COBL: variants seen among roughly 807,000 people sequenced by gnomAD.
The protein encoded by COBL is protein cordon-bleu.
COBL carries 51 observed loss-of-function variants against 98.8 expected under a neutral mutation model. The ratio of observed to expected loss-of-function variants is 0.52; its 90% confidence interval spans 0.41 to 0.65. The LOEUF is 0.65. COBL is among the 30% of genes least tolerant of loss of function. The pLI is 0.00. For synonymous variants in COBL, 634 were observed against 651.7 expected (o/e 0.97, Z 0.41); for missense variants, 1,617 against 1,617.5 (o/e 1.00, Z 0.01).
At chr7:51,194,887 G>A (rs1161967336) in intron 2 of COBL, among the ~76,000 whole-genome samples, 1 of 151,554 alleles carries the variant, frequency 6.6e-6, no homozygotes, top group Non-Finnish European at 1.5e-5. Context: ...TTGTAAATTT[G>A]TTTAAGTTCC....
At chr7:51,299,204 C>A (rs1801686883) in intron 1 of COBL, among the ~76,000 whole-genome samples, 2 of 152,154 alleles carry the variant, frequency 1.3e-5, no homozygotes, top group South Asian at 4.1e-4. Context: ...TCCTCCAGGG[C>A]TGGACATCCT....
Position 51,027,727 on chromosome 7 carries a change from C to T in COBL, c.3369G>A (p.Lys1123=), listed in dbSNP as rs150214171. 17 of 1,613,140 alleles carry T rather than the reference C, an allele frequency of 1.1e-5. No homozygotes were observed. The African/African-American group carries it at 2.1e-4, about 20-fold the overall frequency. The change falls in exon 10 of 13, where the codon AAG becomes AAA. Residue 1123 remains lysine, a synonymous_variant. Coordinates refer to ENST00000265136, the MANE Select transcript of COBL (RefSeq NM_015198.5). ...CCATCCTCACCTTGCGTAGTCTGTC[C>T]TTCCCTCCCGCAGAGTGGATGGCTT... ...LMEAIHSAGG[K]DRLRKTAEHT...
At chr7:51,144,477 G>A (rs769946842) in intron 5 of COBL, among the ~76,000 whole-genome samples, 2 of 152,140 alleles carry the variant, frequency 1.3e-5, no homozygotes, top group African/African-American at 2.4e-5. Flanking sequence ...AAGCATATCC[G>A]AAACCCCGGA....
Position 51,316,596 on chromosome 7 carries a change from G to C in COBL, c.38C>G (p.Thr13Ser). 8.3e-7 allele frequency: 1 copy of C among 1,207,310 alleles called. No individual in the cohort carries two copies. The allele number at this position is 1,207,310 out of a possible 1,614,324, so 74.8% of individuals were successfully genotyped here. Residue 13 changes from threonine (T) to serine (S), a missense_variant, in exon 1 of 13, where the codon ACC becomes AGC. Coordinates refer to ENST00000265136, the MANE Select transcript of COBL (RefSeq NM_015198.5). ...GCCCGACCGCGGGGCCGCTTACCCG[G>C]TCGGGGGCTTGGCCGCCGAGGCGCG... ...APRASAAKPP[T>S]GRKMKARAPP...
At chr7:51,204,829 GTGA>G (rs1791516090) in intron 2 of COBL, among the ~76,000 whole-genome samples, 3 of 152,196 alleles carry the variant, frequency 2.0e-5, no homozygotes, top group Non-Finnish European at 4.4e-5. Flanking sequence ...GATTACAGGT[GTGA>G]GCCACCACAC....
chr7:51,255,554 T>A (rs576062086), intron 1 of COBL, among the ~76,000 whole-genome samples: 3 of 152,072 alleles, frequency 2.0e-5, no homozygotes, highest in Non-Finnish European at 4.4e-5. Context: ...GCTCAGAAGT[T>A]TGGCCAGGCC....
At chr7:51,136,367 T>C (rs756724096) in intron 5 of COBL, 36 bp from the exon 6 acceptor site, 2 of 1,586,388 alleles carry the variant, frequency 1.3e-6, no homozygotes, top group Middle Eastern at 1.7e-4. Flanking sequence ...ACCAAATCAG[T>C]ATGAGATGAC....
At chr7:51,149,172 A>T (rs968345934) in intron 5 of COBL, among the ~76,000 whole-genome samples, 3 of 152,170 alleles carry the variant, frequency 2.0e-5, no homozygotes, top group Non-Finnish European at 2.9e-5. Flanking sequence ...TGTGAAGTGC[A>T]AGTGTCTGTC....
At chr7:51,312,697 G>A (rs117130016) in intron 1 of COBL, among the ~76,000 whole-genome samples, 201 of 152,182 alleles carry the variant, frequency 1.3e-3, no homozygotes, top group Non-Finnish European at 1.9e-3. Flanking sequence ...CTGCATATAC[G>A]TGGGGGCTGT....
intron 5 of COBL, among the ~76,000 whole-genome samples, chr7:51,158,170 T>C (rs564183954): frequency 1.3e-5 from 2 of 152,350 alleles, no homozygotes; most frequent in South Asian, 4.1e-4. Context: ...TGGTGGATGA[T>C]TGATATGGGA....
chr7:51,165,185 TG>T (rs1288438035), intron 5 of COBL, among the ~76,000 whole-genome samples: 1 of 151,738 alleles, frequency 6.6e-6, no homozygotes, highest in African/African-American at 2.4e-5. Flanking sequence ...GCTGTATGAA[TG>T]AAAAAACAAG....
chr7:51,119,145 G>A (rs1797533380), intron 6 of COBL, among the ~76,000 whole-genome samples: 1 of 152,114 alleles, frequency 6.6e-6, no homozygotes, highest in Admixed American at 6.5e-5. Flanking sequence ...GACATTATCT[G>A]ACAAATACAG....
chr7:51,310,595 G>A (rs1337403907), intron 1 of COBL, among the ~76,000 whole-genome samples: 2 of 152,282 alleles, frequency 1.3e-5, no homozygotes, highest in South Asian at 4.1e-4. Flanking sequence ...TGGAAGACAA[G>A]AGATGGGATC....
intron 6 of COBL, among the ~76,000 whole-genome samples, chr7:51,092,541 C>G (rs573194137): frequency 1.8e-4 from 27 of 152,264 alleles, no homozygotes; most frequent in African/African-American, 5.8e-4. Flanking sequence ...AGAGACTGTT[C>G]TTTCCCCATT....
At chr7:51,105,887 T>A (rs370150859) in intron 6 of COBL, among the ~76,000 whole-genome samples, 2 of 152,064 alleles carry the variant, frequency 1.3e-5, no homozygotes, top group African/African-American at 2.4e-5. Flanking sequence ...AATGGTGACA[T>A]CCTGATCTTA....
chr7:51,098,224 C>CTTTTTTTTTTTTTTTTTTTTTTT lies in COBL; in HGVS notation c.958-12921_958-12920insAAAAAAAAAAAAAAAAAAAAAAA, dbSNP rs551768231. ...ACTACCAAAATCCCAATAGCAGTTTCTTTTTTTTTTTTGGAGAAATAGGAA... is the reference window on the plus strand; with the variant it reads ...ACTACCAAAATCCCAATAGCAGTTTCTTTTTTTTTTTTTTTTTTTTTTTTTTTTTTTTTTTGGAGAAATAGGAA... On this transcript the variant is annotated intron_variant, in intron 6 of 12. Coordinates refer to ENST00000265136, the MANE Select transcript of COBL (RefSeq NM_015198.5). Among the ~76,000 whole-genome samples, 161 of 100,792 alleles carry CTTTTTTTTTTTTTTTTTTTTTTT rather than the reference C, an allele frequency of 1.6e-3. 31 individuals carry two copies. Among genetic ancestry groups the CTTTTTTTTTTTTTTTTTTTTTTT allele is most frequent in the South Asian group, 0.015 (46 of 3,060 alleles). 66.1% of individuals were successfully genotyped at this position (100,792 alleles called of 152,430 possible).
Position 51,157,559 on chromosome 7 carries a change from G to A in COBL, c.784-21228C>T, listed in dbSNP as rs192820384. On this transcript the variant is annotated intron_variant, in intron 5 of 12. Transcript: ENST00000265136. ...CCAGGGCAAGTGGTTGGAGAGGCGA[G>A]TGTCTATGTGGGGAGGGATTTTAGT... Among the ~76,000 whole-genome samples, 343 of 152,284 alleles carry A rather than the reference G, an allele frequency of 2.3e-3. 2 individuals carry two copies. Among genetic ancestry groups the A allele is most frequent in the African/African-American group, 6.6e-3 (276 of 41,570 alleles).
At position 51,238,110 on chromosome 7, in the gene COBL, AGAGGAC is replaced by A. The variant is rs774282880; in HGVS notation, c.42-18172_42-18167del. Among the ~76,000 whole-genome samples the A allele has an allele frequency of 7.2e-5, 11 of 152,234 alleles. 1 individual carries two copies. The highest frequency in any genetic ancestry group is 2.6e-4 in the Admixed American group (4 of 15,284). ...CATGCTGACAGCCAGCAGTGACCAG[AGAGGAC>A]GCTGGGACCAAGCGGCTTTGGGGGT... On this transcript the variant is annotated intron_variant, in intron 1 of 12. Transcript: ENST00000265136.
At position 51,028,275 on chromosome 7, in the gene COBL, C is replaced by G. The variant is rs374070036; in HGVS notation, c.2821G>C (p.Gly941Arg). 1.2e-5 allele frequency: 19 copies of G among 1,614,064 alleles called. No homozygotes were observed. The African/African-American group carries it at 1.6e-4, about 14-fold the overall frequency. Residue 941 changes from glycine to arginine, a missense_variant, in exon 10 of 13, where the codon GGG (glycine) becomes CGG (arginine). Transcript: ENST00000265136. Reference protein sequence around the residue: ...WPCVTPPNNHGEDLAVGAPPR... With the variant: ...WPCVTPPNNHREDLAVGAPPR... ...GGGGCTCCCACTGCCAAATCTTCCC[C>G]GTGGTTGTTGGGAGGAGTGACACAG...
Sources: gnomAD v4.1 joint callset for allele counts (sites outside exome capture counted in the v4.1 genomes callset) on GRCh38, gnomAD v4.1.1 for gene constraint, MANE v1.5 for transcripts, NCBI Gene and HGNC (gene_info 2026-07-23, HGNC 2026-07-21) for gene names.